The following ROBO2 variants were observed in gnomAD, a reference collection of about 807,000 sequenced individuals.
The protein encoded by ROBO2 is roundabout guidance receptor 2.
Under a neutral mutation model 160.8 loss-of-function variants are expected in ROBO2, and 53 were observed. That is an observed-to-expected ratio of 0.33 (90% CI 0.26 to 0.41). The LOEUF (loss-of-function observed/expected upper bound fraction) is 0.41, where lower values mean the gene tolerates loss of function less well. Among genes scored for constraint, ROBO2 ranks in the 10% least tolerant of loss-of-function variants. ROBO2 has a pLI of 1.00. For missense variants in ROBO2, 1,577 were observed against 1,722.4 expected (o/e 0.92, Z 1.49); for synonymous variants, 664 against 611.7 (o/e 1.09, Z -1.26).
intron 2 of ROBO2, among the ~76,000 whole-genome samples, chr3:77,439,979 A>C (rs556950087): frequency 6.4e-4 from 98 of 152,296 alleles, no homozygotes; most frequent in Non-Finnish European, 1.3e-3. Context: ...ATGATGTAGC[A>C]ACATAATATG....
At chr3:75,909,911 A>G (rs560154167) in intron 1 of ROBO2, among the ~76,000 whole-genome samples, 20 of 152,186 alleles carry the variant, frequency 1.3e-4, no homozygotes, top group Non-Finnish European at 1.2e-4. Context: ...ATTCCTGAGC[A>G]AGAGGGCTTT....
At chr3:77,479,874 C>T (rs947972590) in intron 3 of ROBO2, among the ~76,000 whole-genome samples, 1 of 152,096 alleles carries the variant, frequency 6.6e-6, no homozygotes, top group African/African-American at 2.4e-5. Context: ...CTAGTTCAGT[C>T]GGTTCCCATG....
At chr3:76,038,851 C>T (rs1006757949) in intron 2 of ROBO2, among the ~76,000 whole-genome samples, 2 of 151,724 alleles carry the variant, frequency 1.3e-5, no homozygotes, top group African/African-American at 2.4e-5. Context: ...AGTAATCTTA[C>T]ACTGTCAATA....
chr3:77,566,984 A>T (rs1175656779), intron 12 of ROBO2, among the ~76,000 whole-genome samples: 1 of 152,044 alleles, frequency 6.6e-6, no homozygotes, highest in Non-Finnish European at 1.5e-5. Flanking sequence ...GATTATCAGC[A>T]TCAAAACAGA....
At chr3:76,217,477 T>C (rs1259638920) in intron 2 of ROBO2, among the ~76,000 whole-genome samples, 1 of 151,668 alleles carries the variant, frequency 6.6e-6, no homozygotes. Context: ...ATGACAAAGG[T>C]GATATCACCA....
intron 2 of ROBO2, among the ~76,000 whole-genome samples, chr3:76,907,902 C>T (rs537538423): frequency 1.8e-4 from 27 of 151,484 alleles, no homozygotes; most frequent in African/African-American, 6.5e-4. Flanking sequence ...TGCACTGGCA[C>T]GACCTCAGGT....
intron 2 of ROBO2, among the ~76,000 whole-genome samples, chr3:77,260,856 G>A (rs2058730527): frequency 2.0e-5 from 3 of 152,250 alleles, no homozygotes; most frequent in East Asian, 1.9e-4. Flanking sequence ...TGCCCCAGTG[G>A]GTAACCTCAC....
chr3:77,535,554 CAAAG>C (rs1349607439), intron 6 of ROBO2, among the ~76,000 whole-genome samples: 2 of 152,058 alleles, frequency 1.3e-5, no homozygotes, highest in African/African-American at 2.4e-5. Context: ...TCTTTACAAA[CAAAG>C]AGTTAATTTC....
At chr3:77,376,322 T>C (rs1010412706) in intron 2 of ROBO2, among the ~76,000 whole-genome samples, 2 of 151,086 alleles carry the variant, frequency 1.3e-5, no homozygotes, top group Non-Finnish European at 1.5e-5. Flanking sequence ...ACCTGGCTAA[T>C]TTTTTTTGTA....
At chr3:76,764,450 CTAA>C (rs1197140474) in intron 2 of ROBO2, among the ~76,000 whole-genome samples, 6 of 151,584 alleles carry the variant, frequency 4.0e-5, no homozygotes, top group African/African-American at 1.5e-4. Flanking sequence ...TTTAATAATA[CTAA>C]TGTTTACTTT....
At chr3:77,564,460 T>C (rs781201466) in intron 11 of ROBO2, 1 of 455,962 alleles carries the variant, frequency 2.2e-6, no homozygotes, top group South Asian at 1.6e-5. Flanking sequence ...ATATGTAGTT[T>C]AGAAGGCTCA....
intron 2 of ROBO2, among the ~76,000 whole-genome samples, chr3:76,035,363 T>A (rs1359531213): frequency 1.3e-5 from 2 of 151,976 alleles, no homozygotes; most frequent in Non-Finnish European, 2.9e-5. Flanking sequence ...ATAAGTATTA[T>A]CTCAGCATGG....
chr3:77,190,646 T>G (rs1490129234), intron 2 of ROBO2, among the ~76,000 whole-genome samples: 1 of 152,034 alleles, frequency 6.6e-6, no homozygotes, highest in Non-Finnish European at 1.5e-5. Flanking sequence ...GAACATACTC[T>G]GGACTTTTAT....
chr3:77,299,326 G>A (rs2062443149), intron 2 of ROBO2, among the ~76,000 whole-genome samples: 2 of 152,136 alleles, frequency 1.3e-5, no homozygotes, highest in Non-Finnish European at 2.9e-5. Context: ...GACTAGTCTG[G>A]AGATAAGAAG....
At chr3:76,613,138 G>T (rs2088274571) in intron 2 of ROBO2, among the ~76,000 whole-genome samples, 1 of 152,024 alleles carries the variant, frequency 6.6e-6, no homozygotes, top group African/African-American at 2.4e-5. Flanking sequence ...ACTTACTCCT[G>T]CCATTTTTTA....
chr3:77,246,096 A>T (rs1220051632), intron 2 of ROBO2, among the ~76,000 whole-genome samples: 1 of 152,224 alleles, frequency 6.6e-6, no homozygotes, highest in Non-Finnish European at 1.5e-5. Flanking sequence ...AAAAATATAT[A>T]GTGTAGACAA....
intron 2 of ROBO2, among the ~76,000 whole-genome samples, chr3:76,974,427 A>G (rs975185763): frequency 3.3e-5 from 5 of 152,148 alleles, no homozygotes; most frequent in African/African-American, 1.2e-4. Flanking sequence ...TAAGCAACTG[A>G]ATCTTCACAA....
At position 76,478,019 on chromosome 3, in the gene ROBO2, T is replaced by TTTATTATTATTATTATTATTA. The variant is rs147308707; in HGVS notation, c.109+540422_109+540442dup. On this transcript the variant is annotated intron_variant, in intron 2 of 26. Transcript: ENST00000487694. ...CAATCAGATAAGTAGCCGCTACTTC[T>TTTATTATTATTATTATTATTA]TTATTATTATTATTATTATTATTAT... is the stretch of plus-strand genomic sequence containing the variant. Among the ~76,000 whole-genome samples the TTTATTATTATTATTATTATTA allele has an allele frequency of 1.9e-3, 286 of 148,970 alleles. 2 individuals are homozygous for TTTATTATTATTATTATTATTA. Among genetic ancestry groups the TTTATTATTATTATTATTATTA allele is most frequent in the African/African-American group, 6.7e-3 (269 of 40,342 alleles).
At chr3:76,279,779 A>G (rs1320582247) in intron 2 of ROBO2, among the ~76,000 whole-genome samples, 1 of 152,052 alleles carries the variant, frequency 6.6e-6, no homozygotes, top group Admixed American at 6.6e-5. Flanking sequence ...ATAACATAAA[A>G]GAAATAAGAT....
Sources: allele counts gnomAD v4.1 joint callset (sites outside exome capture counted in the v4.1 genomes callset), GRCh38; gene constraint gnomAD v4.1.1; transcripts MANE v1.5; gene names NCBI Gene and HGNC (gene_info 2026-07-23, HGNC 2026-07-21).